The following SRBD1 variants were observed in gnomAD, a reference collection of about 807,000 sequenced individuals.
SRBD1 encodes the protein S1 RNA-binding domain-containing protein 1.
Under a neutral mutation model 115.3 loss-of-function variants are expected in SRBD1, and 88 were observed. The ratio of observed to expected loss-of-function variants is 0.76; its 90% CI spans 0.64 to 0.91. The LOEUF is 0.91. SRBD1 is among the 40% of genes least tolerant of loss of function. SRBD1 has a pLI of 0.00. For missense variants in SRBD1, 1,385 were observed against 1,177.4 expected (o/e 1.18, Z -2.58); for synonymous variants, 509 against 407.7 (o/e 1.25, Z -2.99).
At chr2:45,580,331 C>G (rs901361723) in intron 6 of SRBD1, among the ~76,000 whole-genome samples, 2 of 151,912 alleles carry the variant, frequency 1.3e-5, no homozygotes, top group African/African-American at 4.8e-5. Context: ...CATAATTCTA[C>G]TTCTTCGTTT....
intron 14 of SRBD1, among the ~76,000 whole-genome samples, chr2:45,496,721 T>TC (rs2103879758): frequency 6.6e-6 from 1 of 152,242 alleles, no homozygotes; most frequent in East Asian, 1.9e-4. Context: ...TTTGTTTATC[T>TC]CTCTCCCCAC....
intron 14 of SRBD1, among the ~76,000 whole-genome samples, chr2:45,519,357 T>C (rs1479517292): frequency 6.6e-6 from 1 of 152,090 alleles, no homozygotes; most frequent in Non-Finnish European, 1.5e-5. Context: ...CATTTCAAAC[T>C]AAACCTTGGC....
intron 16 of SRBD1, among the ~76,000 whole-genome samples, chr2:45,469,874 T>A (rs1470648568): frequency 6.6e-6 from 1 of 152,206 alleles, no homozygotes; most frequent in Non-Finnish European, 1.5e-5. Flanking sequence ...GCCCATATCC[T>A]GGGCCTTAGA....
intron 16 of SRBD1, among the ~76,000 whole-genome samples, chr2:45,432,173 G>C (rs1338099560): frequency 6.6e-6 from 1 of 152,046 alleles, no homozygotes; most frequent in African/African-American, 2.4e-5. Context: ...GGGATTACAG[G>C]CATGTGCCAC....
Position 45,534,630 on chromosome 2 carries a change from T to C in SRBD1, c.1874+12102A>G, listed in dbSNP as rs539475622. On this transcript the variant is annotated intron_variant, in intron 14 of 20. Transcript: ENST00000263736. ...TTTATCATTCCTAGAAAACTGCATA[T>C]AGAGGAGACAGGATATTTAAATACA... Among the ~76,000 whole-genome samples the C allele has an allele frequency of 5.3e-5, 8 of 152,052 alleles. No individual in the cohort carries two copies. The South Asian group carries it at 1.7e-3, about 32-fold the overall frequency.
intron 14 of SRBD1, among the ~76,000 whole-genome samples, chr2:45,500,846 T>C (rs1293671403): frequency 6.6e-6 from 1 of 152,210 alleles, no homozygotes; most frequent in East Asian, 1.9e-4. Context: ...TAAACAAGGA[T>C]AATATGACTT....
chr2:45,501,817 G>A (rs1016201876), intron 14 of SRBD1, among the ~76,000 whole-genome samples: 3 of 152,280 alleles, frequency 2.0e-5, no homozygotes, highest in Admixed American at 1.3e-4. Flanking sequence ...GGAGTCCACC[G>A]CAGCTCAAGG....
intron 14 of SRBD1, among the ~76,000 whole-genome samples, chr2:45,500,416 A>G (rs1670593349): frequency 1.3e-5 from 2 of 149,878 alleles, no homozygotes; most frequent in Admixed American, 6.7e-5. Context: ...TAGTATATAT[A>G]AACAATATTG....
chr2:45,489,130 T>G (rs1343254398), intron 14 of SRBD1, among the ~76,000 whole-genome samples: 1 of 152,174 alleles, frequency 6.6e-6, no homozygotes, highest in Non-Finnish European at 1.5e-5. Context: ...TATGAAAAAT[T>G]TTTACATTAG....
intron 14 of SRBD1, among the ~76,000 whole-genome samples, chr2:45,523,315 AGAAG>A (rs1671345252): frequency 1.3e-5 from 2 of 151,084 alleles, no homozygotes; most frequent in South Asian, 2.1e-4. Flanking sequence ...TAAAGTAGGC[AGAAG>A]GAAGGAAGTA....
chr2:45,544,232 CAAA>C (rs777800446), intron 14 of SRBD1, among the ~76,000 whole-genome samples: 6 of 72,282 alleles, frequency 8.3e-5, no homozygotes, highest in African/African-American at 1.1e-4. Context: ...GACTCCGGCT[CAAA>C]AAAAAAAAAA....
chr2:45,551,362 C>A, intron 11 of SRBD1, 80 bp from the exon 12 acceptor site: 1 of 1,331,200 alleles, frequency 7.5e-7, no homozygotes, highest in Non-Finnish European at 1.0e-6. Flanking sequence ...TCATTTTGTA[C>A]AATTATTTCT....
At chr2:45,463,026 G>GT (rs996528876) in intron 16 of SRBD1, among the ~76,000 whole-genome samples, 1 of 137,608 alleles carries the variant, frequency 7.3e-6, no homozygotes, top group Admixed American at 7.2e-5. Context: ...CCGGGGGGGG[G>GT]GGGGGAAATC....
chr2:45,512,798 T>A (rs1296564099), intron 14 of SRBD1, among the ~76,000 whole-genome samples: 1 of 152,178 alleles, frequency 6.6e-6, no homozygotes, highest in Non-Finnish European at 1.5e-5. Context: ...TGATTGTATG[T>A]TTGGAATTTG....
chr2:45,426,071 A>T (rs1176841506), intron 16 of SRBD1, among the ~76,000 whole-genome samples: 1 of 152,148 alleles, frequency 6.6e-6, no homozygotes, highest in Non-Finnish European at 1.5e-5. Flanking sequence ...TCCCAACCCC[A>T]TGGAGCTCAG....
intron 16 of SRBD1, among the ~76,000 whole-genome samples, chr2:45,470,073 G>T (rs571867664): frequency 6.6e-6 from 1 of 152,152 alleles, no homozygotes; most frequent in Non-Finnish European, 1.5e-5. Context: ...ACTCTTTTCT[G>T]TATCCCACTT....
intron 16 of SRBD1, among the ~76,000 whole-genome samples, chr2:45,427,054 G>A (rs1220334264): frequency 2.6e-5 from 4 of 152,138 alleles, no homozygotes; most frequent in South Asian, 2.1e-4. Context: ...AAACTACTCC[G>A]AGCTAAAGAG....
At chr2:45,563,027 T>A (rs1260741060) in intron 9 of SRBD1, among the ~76,000 whole-genome samples, 1 of 152,222 alleles carries the variant, frequency 6.6e-6, no homozygotes, top group African/African-American at 2.4e-5. Flanking sequence ...TCATTTCAGA[T>A]TCTACTAATT....
At chr2:45,503,205 G>A (rs903629685) in intron 14 of SRBD1, among the ~76,000 whole-genome samples, 15 of 86,762 alleles carry the variant, frequency 1.7e-4, no homozygotes, top group African/African-American at 1.0e-3. Flanking sequence ...ATATTAATTA[G>A]CCCTTTCCAT....
Sources: allele counts gnomAD v4.1 joint callset (sites outside exome capture counted in the v4.1 genomes callset), GRCh38; gene constraint gnomAD v4.1.1; transcripts MANE v1.5; gene names NCBI Gene and HGNC (gene_info 2026-07-23, HGNC 2026-07-21).